The following AP1G1 variants were observed in gnomAD, a reference collection of about 807,000 sequenced individuals.
AP1G1 encodes the protein adaptor related protein complex 1 subunit gamma 1.
A neutral mutation model predicts 108.3 loss-of-function variants in AP1G1; 7 were observed. That is an observed-to-expected ratio of 0.06 (90% CI 0.04 to 0.12). AP1G1 has a LOEUF of 0.12. AP1G1 is among the 10% of genes least tolerant of loss of function. The pLI, the probability that AP1G1 is intolerant of heterozygous loss-of-function variation, is 1.00. For synonymous variants in AP1G1, 379 were observed against 353.5 expected, an observed-to-expected ratio of 1.07 and a Z score of -0.81; for missense variants, 756 against 1,010.7, an observed-to-expected ratio of 0.75 and a Z score of 3.42.
At chr16:71,757,434 C>A (rs1314527460) in intron 11 of AP1G1, among the ~76,000 whole-genome samples, 1 of 147,410 alleles carries the variant, frequency 6.8e-6, no homozygotes, top group Non-Finnish European at 1.5e-5. Context: ...CTGAGCGACA[C>A]AAGACTCCGT....
intron 21 of AP1G1, among the ~76,000 whole-genome samples, chr16:71,736,254 T>C (rs2045538882): frequency 6.7e-6 from 1 of 149,780 alleles, no homozygotes; most frequent in Non-Finnish European, 1.5e-5. Flanking sequence ...CACACCATTA[T>C]TTTATGTACC....
chr16:71,807,486 C>A (rs1289857985), intron 1 of AP1G1, among the ~76,000 whole-genome samples: 2 of 152,104 alleles, frequency 1.3e-5, no homozygotes, highest in Non-Finnish European at 2.9e-5. Flanking sequence ...TGCTAGACTG[C>A]AAACATGCCT....
chr16:71,764,872 G>T lies in AP1G1; in HGVS notation c.739-146C>A, dbSNP rs1240098481. The T allele has an allele frequency of 2.5e-5, 15 of 600,570 alleles. No homozygotes were observed. The East Asian group carries it at 4.0e-4, about 16-fold the overall frequency. 37.2% of individuals were successfully genotyped at this position (600,570 alleles called of 1,614,324 possible). The stretch of plus-strand genomic sequence containing the variant: ...ATCAGAAATAGTCAAAAATCAAACA[G>T]AAGAATTGAAAACATTTTCTTTATT... On this transcript the variant is annotated intron_variant, in intron 7 of 22. Coordinates refer to ENST00000299980, the MANE Select transcript of AP1G1 (RefSeq NM_001128.6).
chr16:71,768,904 C>A (rs12925587), intron 6 of AP1G1, among the ~76,000 whole-genome samples: 36,961 of 100,486 alleles, frequency 0.37, 6,909 homozygotes, highest in East Asian at 0.78. Context: ...GGCGACAGAG[C>A]AAGACTCTGT....
intron 4 of AP1G1, among the ~76,000 whole-genome samples, chr16:71,772,003 C>T (rs1258744308): frequency 6.6e-6 from 1 of 152,116 alleles, no homozygotes; most frequent in Non-Finnish European, 1.5e-5. Context: ...TTTTGTATAT[C>T]CCCCAAAGTA....
chr16:71,767,956 G>A (rs1477299948), intron 6 of AP1G1: 15 of 1,499,738 alleles, frequency 1.0e-5, no homozygotes, highest in African/African-American at 5.5e-5. Flanking sequence ...GGACAGATAC[G>A]GGTCTCATAC....
At chr16:71,765,299 C>A (rs1420222469) in intron 7 of AP1G1, among the ~76,000 whole-genome samples, 190 bp downstream of exon 7, 2 of 152,166 alleles carry the variant, frequency 1.3e-5, no homozygotes, top group Non-Finnish European at 2.9e-5. Flanking sequence ...TGCACTCCAG[C>A]CTAAGTGACA....
chr16:71,736,885 G>A (rs902032697), intron 21 of AP1G1, among the ~76,000 whole-genome samples: 46 of 151,488 alleles, frequency 3.0e-4, no homozygotes, highest in Admixed American at 2.6e-3. Flanking sequence ...GTGAGCCACC[G>A]CGCCCAGCAA....
chr16:71,806,922 GATA>G (rs2033015261), intron 1 of AP1G1, among the ~76,000 whole-genome samples: 1 of 152,174 alleles, frequency 6.6e-6, no homozygotes, highest in Non-Finnish European at 1.5e-5. Context: ...TCAATAACCT[GATA>G]ATAATAATGC....
intron 2 of AP1G1, among the ~76,000 whole-genome samples, chr16:71,782,323 C>T (rs1029669948): frequency 6.6e-6 from 1 of 151,552 alleles, no homozygotes; most frequent in African/African-American, 2.4e-5. Context: ...GCCACCATGC[C>T]CGGCTAATTT....
chr16:71,793,379 T>C (rs749899646), intron 1 of AP1G1, among the ~76,000 whole-genome samples: 1 of 152,018 alleles, frequency 6.6e-6, no homozygotes, highest in Non-Finnish European at 1.5e-5. Flanking sequence ...ATTCAGCCCG[T>C]TCTGGAATAG....
At chr16:71,796,469 T>C (rs1222921238) in intron 1 of AP1G1, among the ~76,000 whole-genome samples, 5 of 152,168 alleles carry the variant, frequency 3.3e-5, no homozygotes, top group African/African-American at 9.7e-5. Context: ...ATACAAGGAA[T>C]AGTGTCCTGT....
chr16:71,793,598 T>C (rs1010922786), intron 1 of AP1G1, among the ~76,000 whole-genome samples: 1 of 152,212 alleles, frequency 6.6e-6, no homozygotes, highest in African/African-American at 2.4e-5. Flanking sequence ...AGCTACTTAG[T>C]GTGTAACCAA....
rs2032318279 is a variant in AP1G1, at chr16:71,789,393, T to C, written c.87A>G (p.Lys29=). 6.2e-7 allele frequency: 1 copy of C among 1,614,216 alleles called. No individual in the cohort carries two copies. The highest frequency in any genetic ancestry group is 8.5e-7 in the Non-Finnish European group (1 of 1,180,036). ...AAGATGACCGGATTGCAGCACATTC[T>C]TTCTGGATCATTTCTCGTTCTTCAG... The part of the protein sequence containing the change: ...TQAEEREMIQ[K]ECAAIRSSFR... The change falls in exon 2 of 23, where the codon AAA becomes AAG. Residue 29 remains lysine (K), a synonymous_variant. Transcript: ENST00000299980.
chr16:71,768,494 C>A (rs2031412011), intron 6 of AP1G1, among the ~76,000 whole-genome samples: 1 of 3,890 alleles, frequency 2.6e-4, no homozygotes. Flanking sequence ...GAGCCAGACT[C>A]CGCCACAAAA....
chr16:71,733,201 A>C (rs1172353982), intron 22 of AP1G1, 42 bp from the exon 23 acceptor site: 4 of 1,474,900 alleles, frequency 2.7e-6, no homozygotes, highest in Non-Finnish European at 2.8e-6. Flanking sequence ...TACTGAAATG[A>C]AATCTCCAGA....
chr16:71,808,745 G>A lies in AP1G1; in HGVS notation c.-4+18C>T. Reference sequence around the variant, plus strand: ...GCAAAAGCAGCAATATGCTCTCAGCGCCGGGAGTGACACTCACCGGCCCGA... The same window carrying A: ...GCAAAAGCAGCAATATGCTCTCAGCACCGGGAGTGACACTCACCGGCCCGA... On this transcript the variant is annotated intron_variant, in intron 1 of 22. Coordinates refer to ENST00000299980, the MANE Select transcript of AP1G1 (RefSeq NM_001128.6). The A allele has an allele frequency of 7.8e-7, 1 of 1,288,728 alleles. No individual in the cohort carries two copies. Among genetic ancestry groups the A allele is most frequent in the Non-Finnish European group, 1.0e-6 (1 of 988,088 alleles). The allele number at this position is 1,288,728 out of a possible 1,614,324, so 79.8% of individuals were successfully genotyped here. A position where few individuals can be genotyped will look rare whatever the true frequency, so the allele number is the denominator to read the frequency against.
intron 4 of AP1G1, chr16:71,772,966 G>A (rs8059131): frequency 0.014 from 7,494 of 546,536 alleles, 455 homozygotes; most frequent in African/African-American, 0.13. Flanking sequence ...TCACCTTGCT[G>A]TAATACTGTT....
chr16:71,749,495 CAAAA>C (rs2030370978), intron 15 of AP1G1, among the ~76,000 whole-genome samples: 1 of 146,198 alleles, frequency 6.8e-6, no homozygotes, highest in African/African-American at 2.5e-5. Context: ...AAAAAAAAAA[CAAAA>C]AACCTCACAA....
Sources: gnomAD v4.1 joint callset for allele counts (sites outside exome capture counted in the v4.1 genomes callset) on GRCh38, gnomAD v4.1.1 for gene constraint, MANE v1.5 for transcripts, NCBI Gene and HGNC (gene_info 2026-07-23, HGNC 2026-07-21) for gene names.